The following NPAS3 variants were observed in gnomAD, a reference collection of about 807,000 sequenced individuals.
NPAS3 encodes neuronal PAS domain-containing protein 3.
Under a neutral mutation model 73.1 loss-of-function variants are expected in NPAS3, and 14 were observed. The ratio of observed to expected loss-of-function variants is 0.19; its 90% confidence interval spans 0.13 to 0.30. The LOEUF is 0.30. Ranked by LOEUF, NPAS3 falls within the 10% of genes least tolerant of loss-of-function variation. The pLI, the probability that NPAS3 is intolerant of heterozygous loss-of-function variation, is 1.00. For missense variants in NPAS3, 1,096 were observed against 1,250.0 expected, an observed-to-expected ratio of 0.88 and a Z score of 1.86; for synonymous variants, 620 against 541.5, an observed-to-expected ratio of 1.14 and a Z score of -2.01.
At chr14:32,975,308 G>GTCACTCCCTTCCTCCGTCACTCCCTT (rs1555313400) in intron 1 of NPAS3, among the ~76,000 whole-genome samples, 2,387 of 103,974 alleles carry the variant, frequency 0.023, 53 homozygotes, top group Middle Eastern at 0.07. Flanking sequence ...CTCCCTCCCT[G>GTCACTCCCTTCCTCCGTCACTCCCTT]CCTCCGTCAC....
intron 6 of NPAS3, among the ~76,000 whole-genome samples, chr14:33,697,789 C>T (rs752128183): frequency 2.7e-4 from 41 of 152,168 alleles, no homozygotes; most frequent in Non-Finnish European, 5.9e-4. Flanking sequence ...CCACATTAAT[C>T]ATGGCGAGTG....
At chr14:33,797,780 A>G (rs1244602255) in intron 11 of NPAS3, among the ~76,000 whole-genome samples, 199 bp downstream of exon 11, 1 of 152,000 alleles carries the variant, frequency 6.6e-6, no homozygotes, top group East Asian at 1.9e-4. Flanking sequence ...ACATACCTGT[A>G]TGTACTATAT....
chr14:33,785,558 CTA>C (rs143963052), intron 9 of NPAS3, among the ~76,000 whole-genome samples: 1,535 of 151,918 alleles, frequency 0.01, 18 homozygotes, highest in African/African-American at 0.033. Flanking sequence ...CTTATACAAA[CTA>C]TTTTTTAAAT....
At chr14:33,232,802 TAA>T (rs1249866507) in intron 3 of NPAS3, among the ~76,000 whole-genome samples, 1 of 152,236 alleles carries the variant, frequency 6.6e-6, no homozygotes, top group Non-Finnish European at 1.5e-5. Flanking sequence ...AGTAACATTT[TAA>T]ATAATGATTA....
chr14:33,604,617 A>T (rs2057499782), intron 5 of NPAS3, among the ~76,000 whole-genome samples: 1 of 152,142 alleles, frequency 6.6e-6, no homozygotes, highest in Admixed American at 6.5e-5. Context: ...TATTAAAAAC[A>T]AAAACAAAAA....
chr14:33,683,903 G>A (rs2060011939), intron 6 of NPAS3, among the ~76,000 whole-genome samples: 1 of 152,224 alleles, frequency 6.6e-6, no homozygotes, highest in African/African-American at 2.4e-5. Context: ...GCAGAGCACA[G>A]AAACCACTAA....
intron 5 of NPAS3, among the ~76,000 whole-genome samples, chr14:33,610,815 A>C (rs1000768133): frequency 6.6e-6 from 1 of 152,206 alleles, no homozygotes; most frequent in African/African-American, 2.4e-5. Context: ...ATTAGCAAGG[A>C]GCTAGGAGAG....
intron 3 of NPAS3, among the ~76,000 whole-genome samples, chr14:33,306,467 A>T (rs2042759038): frequency 6.6e-6 from 1 of 152,196 alleles, no homozygotes; most frequent in Admixed American, 6.5e-5. Context: ...TAGTCTGCAG[A>T]TTCGGGCTTT....
At chr14:33,497,772 C>T (rs1227649433) in intron 4 of NPAS3, among the ~76,000 whole-genome samples, 1 of 152,084 alleles carries the variant, frequency 6.6e-6, no homozygotes, top group Non-Finnish European at 1.5e-5. Flanking sequence ...CAATACCATT[C>T]AAGACATAGG....
chr14:33,381,757 C>A (rs1006172782), intron 4 of NPAS3, among the ~76,000 whole-genome samples: 1 of 152,132 alleles, frequency 6.6e-6, no homozygotes, highest in Non-Finnish European at 1.5e-5. Flanking sequence ...AGAGGACATG[C>A]GCTTTTGTTT....
intron 3 of NPAS3, among the ~76,000 whole-genome samples, chr14:33,360,913 T>C (rs1012093298): frequency 5.9e-5 from 9 of 152,028 alleles, no homozygotes; most frequent in African/African-American, 2.2e-4. Flanking sequence ...ACGTTGACTG[T>C]CAGACGTTGA....
chr14:33,221,916 T>C (rs2047445687), intron 3 of NPAS3, among the ~76,000 whole-genome samples: 1 of 152,036 alleles, frequency 6.6e-6, no homozygotes, highest in African/African-American at 2.4e-5. Context: ...AAAAGACAGG[T>C]TATCAAGAAA....
intron 2 of NPAS3, among the ~76,000 whole-genome samples, chr14:33,101,216 C>A (rs940326914): frequency 1.3e-5 from 2 of 152,120 alleles, no homozygotes; most frequent in African/African-American, 4.8e-5. Flanking sequence ...CAATTTAAAC[C>A]TTTTCCAGTC....
At chr14:33,259,079 C>T (rs937091902) in intron 3 of NPAS3, among the ~76,000 whole-genome samples, 1 of 152,220 alleles carries the variant, frequency 6.6e-6, no homozygotes, top group African/African-American at 2.4e-5. Flanking sequence ...TTCCAAAGTG[C>T]TGGGATTACA....
At chr14:33,118,949 A>T (rs2043148768) in intron 2 of NPAS3, among the ~76,000 whole-genome samples, 1 of 151,766 alleles carries the variant, frequency 6.6e-6, no homozygotes. Flanking sequence ...TCTGCAGTTC[A>T]GTTTGTGCCT....
At chr14:33,301,629 A>G (rs2042552724) in intron 3 of NPAS3, among the ~76,000 whole-genome samples, 1 of 152,046 alleles carries the variant, frequency 6.6e-6, no homozygotes, top group Admixed American at 6.5e-5. Flanking sequence ...ATAGTTTCTG[A>G]AAAAGTGTAT....
chr14:33,134,639 G>A (rs1362576438), intron 2 of NPAS3, among the ~76,000 whole-genome samples: 1 of 152,052 alleles, frequency 6.6e-6, no homozygotes, highest in Non-Finnish European at 1.5e-5. Flanking sequence ...CAGCATAGGT[G>A]GCTTCATGTA....
At chr14:33,705,561 C>G (rs1252102246) in intron 6 of NPAS3, among the ~76,000 whole-genome samples, 3 of 152,158 alleles carry the variant, frequency 2.0e-5, no homozygotes, top group Non-Finnish European at 4.4e-5. Context: ...CTTTTGCGGA[C>G]ATTCTAGAGT....
At chr14:33,307,949 C>T (rs1408518844) in intron 3 of NPAS3, among the ~76,000 whole-genome samples, 2 of 152,112 alleles carry the variant, frequency 1.3e-5, no homozygotes, top group Non-Finnish European at 2.9e-5. Context: ...CCTCATGTAG[C>T]GCCACATCCT....
Sources: allele counts gnomAD v4.1 joint callset (sites outside exome capture counted in the v4.1 genomes callset), GRCh38; gene constraint gnomAD v4.1.1; transcripts MANE v1.5; gene names NCBI Gene and HGNC (gene_info 2026-07-23, HGNC 2026-07-21).